NCF4: variants seen among roughly 807,000 people sequenced by gnomAD.
NCF4 encodes neutrophil cytosol factor 4.
In NCF4, 30 loss-of-function variants were observed where a neutral mutation model predicts 41.7. The ratio of observed to expected loss-of-function variants is 0.72; its 90% CI spans 0.54 to 0.97. The LOEUF (loss-of-function observed/expected upper bound fraction) is 0.97, where lower values mean the gene tolerates loss of function less well. NCF4 is among the 50% of genes least tolerant of loss of function. NCF4 has a pLI of 0.00. For missense variants in NCF4, 432 were observed against 460.9 expected (o/e 0.94, Z 0.57); for synonymous variants, 195 against 175.8 (o/e 1.11, Z -0.87).
chr22:36,875,542 A>T, intron 7 of NCF4, 111 bp from the exon 8 acceptor site: 1 of 962,736 alleles, frequency 1.0e-6, no homozygotes, highest in Non-Finnish European at 1.6e-6. Flanking sequence ...ACAGAAGAAG[A>T]CCCGGACCTC....
Position 36,875,701 on chromosome 22 carries a change from ATCCT to A in NCF4, c.677_680del (p.Ile226ThrfsTer41). ...CATCTTCCCTCTCTCCTTCGTGAAG[ATCCT>A]CAAAGACTTCCCTGAGGAGGACGAC... is the stretch of plus-strand genomic sequence containing the variant. On this transcript the variant is annotated frameshift_variant, in exon 8 of 10. Coordinates refer to ENST00000248899, the MANE Select transcript of NCF4 (RefSeq NM_000631.5). LOFTEE classifies it high-confidence loss of function. 6.2e-7 allele frequency: 1 copy of A among 1,613,434 alleles called. No individual in the cohort carries two copies. Among genetic ancestry groups the A allele is most frequent in the Non-Finnish European group, 8.5e-7 (1 of 1,180,026 alleles).
intron 3 of NCF4, among the ~76,000 whole-genome samples, chr22:36,867,020 A>G (rs1939942253): frequency 6.6e-6 from 1 of 151,780 alleles, no homozygotes; most frequent in Non-Finnish European, 1.5e-5. Flanking sequence ...GGTAGCTTGA[A>G]TGTGCAGCCG....
At chr22:36,862,004 A>T (rs547788806) in intron 1 of NCF4, among the ~76,000 whole-genome samples, 1 of 152,352 alleles carries the variant, frequency 6.6e-6, no homozygotes, top group Non-Finnish European at 1.5e-5. Flanking sequence ...TCAGGGTCAC[A>T]GAGAGTGACT....
At chr22:36,873,068 T>G (rs1165615270) in intron 7 of NCF4, among the ~76,000 whole-genome samples, 27 of 108,522 alleles carry the variant, frequency 2.5e-4, no homozygotes, top group East Asian at 5.8e-4. Flanking sequence ...GGAGGTAAGG[T>G]TGGAGGTGAG....
At chr22:36,862,432 T>C (rs996170139) in intron 1 of NCF4, among the ~76,000 whole-genome samples, 2 of 152,176 alleles carry the variant, frequency 1.3e-5, no homozygotes, top group Middle Eastern at 3.2e-3. Flanking sequence ...CACATGCTCC[T>C]GGGGGACCCA....
At chr22:36,868,943 C>T (rs1939991271) in intron 4 of NCF4, among the ~76,000 whole-genome samples, 1 of 152,154 alleles carries the variant, frequency 6.6e-6, no homozygotes, top group Non-Finnish European at 1.5e-5. Context: ...GAGAAAAGCC[C>T]AACTCTCTGT....
chr22:36,872,314 C>A lies in NCF4; in HGVS notation c.529-13C>A. 1 of 1,573,312 alleles carries A rather than the reference C, an allele frequency of 6.4e-7. No individual in the cohort carries two copies. Among genetic ancestry groups the A allele is most frequent in the Non-Finnish European group, 8.8e-7 (1 of 1,142,848 alleles). ...GTTCTCTCCTTCCCTCCTTACTGCA[C>A]GCTTCTCCTCAGGCTCTATTTGACT... On this transcript the variant is annotated splice_polypyrimidine_tract_variant and intron_variant, in intron 6 of 9. Coordinates refer to ENST00000248899, the MANE Select transcript of NCF4 (RefSeq NM_000631.5).
chr22:36,868,113 G>A (rs35884762), intron 4 of NCF4, among the ~76,000 whole-genome samples: 46 of 152,374 alleles, frequency 3.0e-4, no homozygotes, highest in African/African-American at 7.9e-4. Context: ...ACTTCCACCA[G>A]CCACAGCCAT....
At chr22:36,869,245 T>G (rs936255374) in intron 4 of NCF4, among the ~76,000 whole-genome samples, 1 of 152,188 alleles carries the variant, frequency 6.6e-6, no homozygotes, top group African/African-American at 2.4e-5. Flanking sequence ...AATGATGACA[T>G]CTAACTTTGA....
At chr22:36,871,333 G>T (rs1367716291) in intron 5 of NCF4, among the ~76,000 whole-genome samples, 1 of 152,234 alleles carries the variant, frequency 6.6e-6, no homozygotes, top group African/African-American at 2.4e-5. Context: ...GAGCTTGGTT[G>T]TAGGGAGCAG....
chr22:36,871,955 G>A lies in NCF4; in HGVS notation c.528+246G>A, dbSNP rs111648513. On this transcript the variant is annotated intron_variant, in intron 6 of 9. Transcript: ENST00000248899. ...AATGCTTCCATCCCTACGCTCATCCGGACAGTTTACCTGGGCCTCCTCTGA... is the reference window on the plus strand; with the variant it reads ...AATGCTTCCATCCCTACGCTCATCCAGACAGTTTACCTGGGCCTCCTCTGA... Among the ~76,000 whole-genome samples, 31 of 152,372 alleles carry A rather than the reference G, an allele frequency of 2.0e-4. 1 individual carries two copies. The highest frequency in any genetic ancestry group is 1.1e-3 in the Admixed American group (17 of 15,312).
At chr22:36,867,937 G>A (rs1939967313) in intron 4 of NCF4, among the ~76,000 whole-genome samples, 1 of 152,186 alleles carries the variant, frequency 6.6e-6, no homozygotes. Flanking sequence ...CCTCCTCTGG[G>A]ACAACTCACT....
At chr22:36,868,018 C>T (rs1359880833) in intron 4 of NCF4, among the ~76,000 whole-genome samples, 6 of 152,176 alleles carry the variant, frequency 3.9e-5, no homozygotes, top group Admixed American at 1.3e-4. Context: ...GTGTATTCTC[C>T]GACTTGCAAA....
In NCF4 at chr22:36,870,529, C is replaced by T. The variant is rs572795915; in HGVS notation, c.457C>T (p.Arg153Cys). Residue 153 changes from arginine to cysteine, a missense_variant, in exon 5 of 10, where the codon CGC becomes TGC. Physicochemically the swap from Arg to Cys is radical, Grantham distance 180. Coordinates refer to ENST00000248899, the MANE Select transcript of NCF4 (RefSeq NM_000631.5). ...CCAGGCACTCCGCCGGCTCCGCCCG[C>T]GCACCCGGAAAGTGTAAGTGACCAG... ...VPQALRRLRP[R>C]TRKVKSVSPQ... The T allele has an allele frequency of 2.4e-5, 39 of 1,612,444 alleles. 1 individual carries two copies. The highest frequency in any genetic ancestry group is 1.3e-4 in the East Asian group (6 of 44,872).
chr22:36,873,388 A>T (rs2145723328), intron 7 of NCF4, among the ~76,000 whole-genome samples: 1 of 147,356 alleles, frequency 6.8e-6, no homozygotes, highest in Admixed American at 6.8e-5. Context: ...TGGAGGTGAG[A>T]ATGCAGGTAA....
intron 7 of NCF4, among the ~76,000 whole-genome samples, chr22:36,873,585 C>T (rs559627778): frequency 6.6e-6 from 1 of 152,230 alleles, no homozygotes; most frequent in Admixed American, 6.5e-5. Flanking sequence ...TCGGTGGCAG[C>T]AGAACATTCT....
At chr22:36,864,722 TTC>T (rs1939880862) in intron 2 of NCF4, among the ~76,000 whole-genome samples, 195 bp from the exon 3 acceptor site, 1 of 151,698 alleles carries the variant, frequency 6.6e-6, no homozygotes, top group African/African-American at 2.4e-5. Context: ...TTCTTTTCTT[TTC>T]TTTTTTTTTC....
Position 36,865,614 on chromosome 22 carries a change from C to T in NCF4, c.271+542C>T, listed in dbSNP as rs1939908877. Among the ~76,000 whole-genome samples the T allele has an allele frequency of 6.6e-6, 1 of 152,134 alleles. No individual in the cohort carries two copies. The highest frequency in any genetic ancestry group is 2.4e-5 in the African/African-American group (1 of 41,416). The stretch of plus-strand genomic sequence containing the variant: ...CCTGGTCCTTCCTCCCCAGCTGGAT[C>T]CTAACGCGCACCTTGGACAGCGCCA... On this transcript the variant is annotated intron_variant, in intron 3 of 9. Transcript: ENST00000248899. The surrounding 1 kb of genome is among the most constrained non-coding windows in gnomAD (Gnocchi z 4.3).
rs1939913885 is a variant in NCF4 at position 36,865,810 on chromosome 22, T to C, written c.271+738T>C. Among the ~76,000 whole-genome samples the C allele has an allele frequency of 6.6e-6, 1 of 152,054 alleles. No homozygotes were observed. The highest frequency in any genetic ancestry group is 2.4e-5 in the African/African-American group (1 of 41,380). ...CCCCAAGCTCCAACCCCATCTCCAG[T>C]TTGTTTTTTCTGTCTCTGTTTCTGT... On this transcript the variant is annotated intron_variant, in intron 3 of 9. Transcript: ENST00000248899. The surrounding 1 kb of genome is among the most constrained non-coding windows in gnomAD (Gnocchi z 4.3).
Sources: gnomAD v4.1 joint callset for allele counts (sites outside exome capture counted in the v4.1 genomes callset) on GRCh38, gnomAD v4.1.1 for gene constraint, Gnocchi (gnomAD v3.1) non-coding constraint, MANE v1.5 for transcripts, NCBI Gene and HGNC (gene_info 2026-07-23, HGNC 2026-07-21) for gene names.